ST6GALNAC3: variants seen among roughly 807,000 people sequenced by gnomAD.
ST6GALNAC3 encodes the protein alpha-N-acetylgalactosaminide alpha-2,6-sialyltransferase 3.
A neutral mutation model predicts 32.7 loss-of-function variants in ST6GALNAC3; 25 were observed. The observed-to-expected ratio is 0.76, with a 90% CI of 0.56 to 1.07. The LOEUF is 1.07. Among genes scored for constraint, ST6GALNAC3 ranks in the 50% least tolerant of loss-of-function variants. The pLI, the probability that ST6GALNAC3 is intolerant of heterozygous loss-of-function variation, is 0.00. For missense variants in ST6GALNAC3, 355 were observed against 382.4 expected (o/e 0.93, Z 0.60); for synonymous variants, 129 against 133.1 (o/e 0.97, Z 0.21).
chr1:76,336,910 T>C (rs1200416869), intron 2 of ST6GALNAC3, among the ~76,000 whole-genome samples: 1 of 152,172 alleles, frequency 6.6e-6, no homozygotes, highest in African/African-American at 2.4e-5. Flanking sequence ...CCCCTCCTCA[T>C]TGGGTCTGTG....
At chr1:76,305,127 T>G (rs1040742053) in intron 1 of ST6GALNAC3, among the ~76,000 whole-genome samples, 1 of 152,000 alleles carries the variant, frequency 6.6e-6, no homozygotes, top group Non-Finnish European at 1.5e-5. Context: ...AGTAGTAGGA[T>G]TTGATGGAAA....
intron 3 of ST6GALNAC3, among the ~76,000 whole-genome samples, chr1:76,616,943 A>T (rs1259764650): frequency 6.6e-6 from 1 of 152,230 alleles, no homozygotes; most frequent in Non-Finnish European, 1.5e-5. Flanking sequence ...ATATTTTTTT[A>T]AATTTCACTT....
In ST6GALNAC3 at chr1:76,283,612, C is replaced by A. The variant is rs990584444; in HGVS notation, c.19-30193C>A. Among the ~76,000 whole-genome samples, 4 of 152,216 alleles carry A rather than the reference C, an allele frequency of 2.6e-5. No individual in the cohort carries two copies. In the South Asian group the frequency reaches 8.3e-4, roughly 32 times the overall value. ...ATGTCTTGCCTCTTTTGATCTCTTG[C>A]CTAAGTTTTGTTTTGAAAGGTTAAC... On this transcript the variant is annotated intron_variant, in intron 1 of 4. Transcript: ENST00000328299.
In ST6GALNAC3 at chr1:76,525,791, G is replaced by GTATATATATATATA. The variant is rs199721572; in HGVS notation, c.624-101637_624-101624dup. On this transcript the variant is annotated intron_variant, in intron 3 of 4. Transcript: ENST00000328299. ...TGTGTTTGTGTGTGTGTGTGTGTGT[G>GTATATATATATATA]TATATATATATATATATATATATAT... Among the ~76,000 whole-genome samples, 229 of 75,516 alleles carry GTATATATATATATA rather than the reference G, an allele frequency of 3.0e-3. 3 individuals are homozygous for GTATATATATATATA. The highest frequency in any genetic ancestry group is 6.6e-3 in the Middle Eastern group (1 of 152). 49.5% of individuals were successfully genotyped at this position (75,516 alleles called of 152,430 possible). A position where few individuals can be genotyped will look rare whatever the true frequency, so the allele number is the denominator to read the frequency against.
At chr1:76,525,765 G>A (rs1242520744) in intron 3 of ST6GALNAC3, among the ~76,000 whole-genome samples, 1 of 103,926 alleles carries the variant, frequency 9.6e-6, no homozygotes, top group Non-Finnish European at 2.2e-5. Flanking sequence ...ATATGTGTAT[G>A]TGTGTTTGTG....
chr1:76,325,818 T>C (rs1236539119), intron 2 of ST6GALNAC3, among the ~76,000 whole-genome samples: 4 of 151,318 alleles, frequency 2.6e-5, no homozygotes, highest in Non-Finnish European at 4.4e-5. Flanking sequence ...TTTGGTCTTT[T>C]TGTGCTCTTT....
In ST6GALNAC3 at chr1:76,509,033, C is replaced by T. The variant is rs763572622; in HGVS notation, c.623+96616C>T. ...GGTCTGGGATGCTTCTAACATGAGT[C>T]TAAGAGTTGAACAGCTTGTCATTTT... is the stretch of plus-strand genomic sequence containing the variant. On this transcript the variant is annotated intron_variant, in intron 3 of 4. Coordinates refer to ENST00000328299, the MANE Select transcript of ST6GALNAC3 (RefSeq NM_152996.4). This position sits in a 1 kb window ranked among gnomAD's most constrained non-coding sequence, Gnocchi z 5.5. Among the ~76,000 whole-genome samples, 1 of 152,134 alleles carries T rather than the reference C, an allele frequency of 6.6e-6. No homozygotes were observed. The highest frequency in any genetic ancestry group is 1.5e-5 in the Non-Finnish European group (1 of 68,030).
At chr1:76,233,351 A>C (rs12128567) in intron 1 of ST6GALNAC3, among the ~76,000 whole-genome samples, 49 of 152,276 alleles carry the variant, frequency 3.2e-4, no homozygotes, top group Middle Eastern at 3.4e-3. Flanking sequence ...ATTATAAAAA[A>C]CTTTACAAGT....
At chr1:76,356,384 A>T (rs1214324288) in intron 2 of ST6GALNAC3, among the ~76,000 whole-genome samples, 1 of 146,780 alleles carries the variant, frequency 6.8e-6, no homozygotes, top group Non-Finnish European at 1.5e-5. Flanking sequence ...TCCTTGCCGC[A>T]TGCCAACCCC....
intron 3 of ST6GALNAC3, among the ~76,000 whole-genome samples, chr1:76,417,640 G>A (rs1401550558): frequency 6.6e-6 from 1 of 152,146 alleles, no homozygotes; most frequent in African/African-American, 2.4e-5. Context: ...CCTATGGGTA[G>A]GTGGGCAATT....
chr1:76,214,120 G>T (rs914855718), intron 1 of ST6GALNAC3, among the ~76,000 whole-genome samples: 1 of 151,918 alleles, frequency 6.6e-6, no homozygotes. Context: ...CTCCCTAGCC[G>T]CACAGCCCAA....
chr1:76,452,209 C>G (rs1280326262), intron 3 of ST6GALNAC3, among the ~76,000 whole-genome samples: 1 of 152,134 alleles, frequency 6.6e-6, no homozygotes, highest in East Asian at 1.9e-4. Context: ...CTCACAAGAT[C>G]TAATGGCTTT....
At chr1:76,313,698 C>T (rs746795134) in intron 1 of ST6GALNAC3, 107 bp from the exon 2 acceptor site, 1 of 1,160,160 alleles carries the variant, frequency 8.6e-7, no homozygotes. Context: ...TGACAGAATC[C>T]TTCGACCCCT....
chr1:76,391,432 G>A (rs1204791275), intron 2 of ST6GALNAC3, among the ~76,000 whole-genome samples: 1 of 152,152 alleles, frequency 6.6e-6, no homozygotes, highest in Non-Finnish European at 1.5e-5. Context: ...GGTAATGCTG[G>A]AGAAGTCAGT....
At chr1:76,546,603 G>A (rs189638141) in intron 3 of ST6GALNAC3, among the ~76,000 whole-genome samples, 1 of 152,286 alleles carries the variant, frequency 6.6e-6, no homozygotes, top group East Asian at 1.9e-4. Flanking sequence ...ATTTGAAAAA[G>A]GCAAGGCAGT....
intron 1 of ST6GALNAC3, among the ~76,000 whole-genome samples, chr1:76,277,752 C>A (rs1193029685): frequency 1.3e-5 from 2 of 151,950 alleles, no homozygotes; most frequent in Admixed American, 6.6e-5. Context: ...GTCTCAGCAT[C>A]ATTTACGTTT....
At chr1:76,136,703 A>G (rs1413280451) in intron 1 of ST6GALNAC3, among the ~76,000 whole-genome samples, 1 of 152,232 alleles carries the variant, frequency 6.6e-6, no homozygotes, top group African/African-American at 2.4e-5. Flanking sequence ...TCTCTAGAGC[A>G]TGGCAACTCT....
intron 1 of ST6GALNAC3, among the ~76,000 whole-genome samples, chr1:76,188,746 T>C (rs1264568053): frequency 6.6e-6 from 1 of 152,184 alleles, no homozygotes; most frequent in East Asian, 1.9e-4. Context: ...ATAAAATGAA[T>C]TCATTATTCA....
intron 2 of ST6GALNAC3, among the ~76,000 whole-genome samples, chr1:76,317,149 C>A (rs12046510): frequency 0.27 from 41,669 of 151,922 alleles, 5,960 homozygotes; most frequent in East Asian, 0.38. Flanking sequence ...TCTAGGCTAA[C>A]TCGGGAGAAA....
Sources: allele counts gnomAD v4.1 joint callset (sites outside exome capture counted in the v4.1 genomes callset), GRCh38; gene constraint gnomAD v4.1.1; non-coding constraint Gnocchi (gnomAD v3.1); transcripts MANE v1.5; gene names NCBI Gene and HGNC (gene_info 2026-07-23, HGNC 2026-07-21).